Variants in THADA observed in about 807,000 individuals in gnomAD.
THADA encodes the protein THADA armadillo repeat containing.
In THADA, 213 loss-of-function variants were observed where a neutral mutation model predicts 219.8. That is an observed-to-expected ratio of 0.97 (90% CI 0.87 to 1.09). The LOEUF (loss-of-function observed/expected upper bound fraction) is 1.09, where lower values mean the gene tolerates loss of function less well. Among genes scored for constraint, THADA ranks in the 50% least tolerant of loss-of-function variants. The pLI is 0.00. For missense variants in THADA, 2,956 were observed against 2,311.3 expected (o/e 1.28, Z -5.72); for synonymous variants, 1,018 against 828.9 (o/e 1.23, Z -3.92).
chr2:43,570,202 G>T (rs1699137731), intron 14 of THADA, among the ~76,000 whole-genome samples, 186 bp downstream of exon 14: 1 of 152,086 alleles, frequency 6.6e-6, no homozygotes, highest in Admixed American at 6.5e-5. Flanking sequence ...GTACAGCACT[G>T]GTTCCATAAC....
intron 19 of THADA, among the ~76,000 whole-genome samples, chr2:43,551,069 A>T (rs903060330): frequency 6.6e-6 from 1 of 152,240 alleles, no homozygotes; most frequent in Non-Finnish European, 1.5e-5. Context: ...GGAAAGAACA[A>T]AACCTAATAT....
intron 28 of THADA, among the ~76,000 whole-genome samples, chr2:43,414,150 T>A (rs557868408): frequency 6.6e-6 from 1 of 152,362 alleles, no homozygotes; most frequent in South Asian, 2.1e-4. Context: ...AATCCATAAA[T>A]GATTGGATGA....
At chr2:43,258,685 A>T (rs1316663837) in intron 36 of THADA, among the ~76,000 whole-genome samples, 1 of 152,222 alleles carries the variant, frequency 6.6e-6, no homozygotes, top group African/African-American at 2.4e-5. Context: ...CAATATTTAC[A>T]CTGAGGGCCA....
At chr2:43,521,050 G>A (rs1236640259) in intron 22 of THADA, among the ~76,000 whole-genome samples, 2 of 140,692 alleles carry the variant, frequency 1.4e-5, no homozygotes, top group Non-Finnish European at 3.1e-5. Context: ...AGGAAGGGAA[G>A]GAAGAGAAGG....
At chr2:43,385,893 A>T (rs1367157117) in intron 29 of THADA, among the ~76,000 whole-genome samples, 1 of 152,046 alleles carries the variant, frequency 6.6e-6, no homozygotes, top group African/African-American at 2.4e-5. Flanking sequence ...AAAACTCCAA[A>T]CAAATAATCT....
intron 21 of THADA, among the ~76,000 whole-genome samples, chr2:43,529,828 G>A (rs545812318): frequency 2.0e-4 from 31 of 152,162 alleles, no homozygotes; most frequent in Non-Finnish European, 2.9e-4. Flanking sequence ...ATGATAAACA[G>A]TAGAATAAGT....
chr2:43,463,532 A>G (rs1683878410), intron 26 of THADA, among the ~76,000 whole-genome samples: 1 of 152,226 alleles, frequency 6.6e-6, no homozygotes, highest in South Asian at 2.1e-4. Flanking sequence ...CCAAGATAGA[A>G]TGGCTTGCTC....
chr2:43,521,792 CG>C (rs1220424029), intron 22 of THADA, among the ~76,000 whole-genome samples: 1 of 152,200 alleles, frequency 6.6e-6, no homozygotes, highest in Non-Finnish European at 1.5e-5. Context: ...GAATAAAACC[CG>C]CAGACTAAAA....
intron 36 of THADA, among the ~76,000 whole-genome samples, chr2:43,250,953 G>A (rs1669750469): frequency 6.6e-6 from 1 of 152,136 alleles, no homozygotes; most frequent in South Asian, 2.1e-4. Flanking sequence ...GAGGTGAGGG[G>A]TGGACAGACG....
intron 29 of THADA, among the ~76,000 whole-genome samples, chr2:43,348,239 C>T (rs998596355): frequency 4.6e-5 from 7 of 152,190 alleles, no homozygotes; most frequent in African/African-American, 1.7e-4. Flanking sequence ...AAACAGTCAC[C>T]TGGCCGGAGC....
At position 43,469,467 on chromosome 2, in the gene THADA, G is replaced by GA. The variant is rs1257960562; in HGVS notation, c.3836+15766dup. Among the ~76,000 whole-genome samples the GA allele has an allele frequency of 2.0e-5, 3 of 151,762 alleles. No individual in the cohort carries two copies. In the East Asian group the frequency reaches 5.8e-4, roughly 29 times the overall value. ...ACTAGTAATAAAAACAATGCAAACT[G>GA]AAAAAAACACGGAAATTTCCCCCTC... On this transcript the variant is annotated intron_variant, in intron 26 of 37. Coordinates refer to ENST00000405975, the MANE Select transcript of THADA (RefSeq NM_022065.5).
chr2:43,507,140 ACT>A (rs1364140775), intron 23 of THADA, among the ~76,000 whole-genome samples: 3 of 152,128 alleles, frequency 2.0e-5, no homozygotes, highest in Non-Finnish European at 4.4e-5. Context: ...AGAAATGAAG[ACT>A]CTCTTTAAGC....
intron 36 of THADA, among the ~76,000 whole-genome samples, chr2:43,237,690 C>T (rs375449760): frequency 1.1e-4 from 16 of 152,032 alleles, no homozygotes; most frequent in South Asian, 6.3e-4. Flanking sequence ...TGAGCCACCA[C>T]GCCCGGCCTT....
At position 43,590,939 on chromosome 2, in the gene THADA, C is replaced by T. The variant is rs779026905; in HGVS notation, c.187G>A (p.Glu63Lys). Residue 63 changes from glutamate (E) to lysine (K), a missense_variant, in exon 4 of 38, where the codon GAG (glutamate) becomes AAG (lysine). Physicochemically the swap from Glu to Lys is moderately conservative, Grantham distance 56. Coordinates refer to ENST00000405975, the MANE Select transcript of THADA (RefSeq NM_022065.5). ...CACATGCCATTTTTATCTGCTTTCT[C>T]CAGCAGAGGCACAATCTATAATACA... Reference protein sequence around the residue: ...HYIKQIVPLLEKADKNGMCDP... With the variant: ...HYIKQIVPLLKKADKNGMCDP... The T allele has an allele frequency of 6.2e-7, 1 of 1,612,512 alleles. No homozygotes were observed. The highest frequency in any genetic ancestry group is 1.1e-5 in the South Asian group (1 of 90,836).
At chr2:43,423,443 T>TG (rs894522837) in intron 28 of THADA, among the ~76,000 whole-genome samples, 2 of 151,768 alleles carry the variant, frequency 1.3e-5, no homozygotes, top group African/African-American at 4.8e-5. Flanking sequence ...TTCTTTTTTT[T>TG]TTTTTTTGAG....
chr2:43,400,478 A>ATATATATATATATATATAT (rs10687373), intron 28 of THADA, among the ~76,000 whole-genome samples: 1,207 of 116,502 alleles, frequency 0.01, 63 homozygotes, highest in African/African-American at 0.018. Flanking sequence ...TATATATATA[A>ATATATATATATATATATAT]ATATATACAC....
intron 34 of THADA, among the ~76,000 whole-genome samples, chr2:43,287,302 T>C (rs1243018715): frequency 1.3e-5 from 2 of 152,152 alleles, no homozygotes; most frequent in African/African-American, 4.8e-5. Flanking sequence ...TTTAGTCTTT[T>C]TTTTTGGTTT....
chr2:43,366,709 GA>G (rs1251338864), intron 29 of THADA, among the ~76,000 whole-genome samples: 1 of 152,106 alleles, frequency 6.6e-6, no homozygotes, highest in African/African-American at 2.4e-5. Context: ...CATTTTTATG[GA>G]AAACAGTATG....
chr2:43,572,789 A>T (rs1699440623), intron 12 of THADA, 25 bp downstream of exon 12: 1 of 1,608,462 alleles, frequency 6.2e-7, no homozygotes, highest in East Asian at 2.2e-5. Flanking sequence ...TGCATGTACA[A>T]ATCCAGGTAA....
Sources: allele counts gnomAD v4.1 joint callset (sites outside exome capture counted in the v4.1 genomes callset), GRCh38; gene constraint gnomAD v4.1.1; transcripts MANE v1.5; gene names NCBI Gene and HGNC (gene_info 2026-07-23, HGNC 2026-07-21).